RCAN2: variants seen among roughly 807,000 people sequenced by gnomAD.
RCAN2 encodes the protein regulator of calcineurin 2.
A neutral mutation model predicts 23.6 loss-of-function variants in RCAN2; 9 were observed. The ratio of observed to expected loss-of-function variants is 0.38; its 90% CI spans 0.23 to 0.67. RCAN2 has a LOEUF of 0.67. Ranked by LOEUF, RCAN2 falls within the 30% of genes least tolerant of loss-of-function variation. The probability of loss-of-function intolerance (pLI) is 0.51; values close to 1 mark genes in which losing one functional copy is unlikely to be tolerated. For synonymous variants in RCAN2, 109 were observed against 115.7 expected, an observed-to-expected ratio of 0.94 and a Z score of 0.37; for missense variants, 273 against 302.3, an observed-to-expected ratio of 0.90 and a Z score of 0.72.
rs920266633 is a variant in RCAN2, at chr6:46,220,783, G to A, written c.*2358C>T. The A allele has an allele frequency of 3.9e-5, 6 of 152,516 alleles. No homozygotes were observed. The highest frequency in any genetic ancestry group is 1.9e-4 in the East Asian group (1 of 5,200). The allele number at this position is 152,516 out of a possible 1,614,324, so 9.4% of individuals were successfully genotyped here. ...AGTCTAAGCTCTTTGAGCTATACAC[G>A]TGCACAAATGATTCAGTTGGTGGAA... On this transcript the variant is annotated 3_prime_UTR_variant, in exon 5 of 5. Coordinates refer to ENST00000371374, the MANE Select transcript of RCAN2 (RefSeq NM_001251974.2).
chr6:46,475,773 A>G (rs1362523407), intron 1 of RCAN2, among the ~76,000 whole-genome samples: 2 of 152,152 alleles, frequency 1.3e-5, no homozygotes, highest in Non-Finnish European at 2.9e-5. Flanking sequence ...AGTTATGTTT[A>G]TTCATTCAAA....
intron 2 of RCAN2, among the ~76,000 whole-genome samples, chr6:46,324,664 G>A (rs1763731962): frequency 6.6e-6 from 1 of 152,108 alleles, no homozygotes; most frequent in South Asian, 2.1e-4. Flanking sequence ...ATAATATAAA[G>A]CCAAATGGAA....
chr6:46,417,954 A>C (rs1766760527), intron 2 of RCAN2, among the ~76,000 whole-genome samples: 1 of 152,212 alleles, frequency 6.6e-6, no homozygotes, highest in South Asian at 2.1e-4. Context: ...TACTGTGATA[A>C]GAGTCACACA....
chr6:46,406,220 AGCG>A (rs1766403223), intron 2 of RCAN2, among the ~76,000 whole-genome samples: 1 of 152,230 alleles, frequency 6.6e-6, no homozygotes. Context: ...CTCACAGTGC[AGCG>A]GCGGGCCAAA....
At chr6:46,293,178 T>C (rs1762621365) in intron 2 of RCAN2, among the ~76,000 whole-genome samples, 1 of 152,218 alleles carries the variant, frequency 6.6e-6, no homozygotes, top group Non-Finnish European at 1.5e-5. Flanking sequence ...AGTGCTGCAA[T>C]AAACATACGT....
intron 2 of RCAN2, among the ~76,000 whole-genome samples, chr6:46,315,329 A>G (rs1763397445): frequency 6.6e-6 from 1 of 152,188 alleles, no homozygotes; most frequent in South Asian, 2.1e-4. Context: ...CAATGAGCCA[A>G]TACATGAACA....
chr6:46,457,220 AACAG>A (rs957396306), intron 1 of RCAN2, among the ~76,000 whole-genome samples: 2 of 152,224 alleles, frequency 1.3e-5, no homozygotes, highest in African/African-American at 4.8e-5. Flanking sequence ...TTTTAAAACA[AACAG>A]ACAAACAAAT....
chr6:46,318,296 G>C (rs113037571), intron 2 of RCAN2, among the ~76,000 whole-genome samples: 5 of 152,210 alleles, frequency 3.3e-5, no homozygotes, highest in African/African-American at 1.2e-4. Context: ...TGTTGTTTTA[G>C]GAAATGAAAG....
chr6:46,434,850 G>A (rs1039408864), intron 2 of RCAN2, among the ~76,000 whole-genome samples: 1 of 152,188 alleles, frequency 6.6e-6, no homozygotes, highest in African/African-American at 2.4e-5. Flanking sequence ...GTGGGTAGAG[G>A]CCAGGGATAC....
At chr6:46,386,086 C>G (rs1483351981) in intron 2 of RCAN2, among the ~76,000 whole-genome samples, 1 of 152,030 alleles carries the variant, frequency 6.6e-6, no homozygotes. Context: ...AGCAGGCAAC[C>G]TAGAGAACGG....
intron 2 of RCAN2, among the ~76,000 whole-genome samples, chr6:46,347,382 C>G (rs186903242): frequency 5.3e-5 from 8 of 152,266 alleles, no homozygotes; most frequent in Admixed American, 5.2e-4. Flanking sequence ...GAACCTAGAT[C>G]TTCCTCCTCC....
At chr6:46,312,311 C>G (rs548622885) in intron 2 of RCAN2, among the ~76,000 whole-genome samples, 3 of 152,270 alleles carry the variant, frequency 2.0e-5, no homozygotes, top group African/African-American at 7.2e-5. Context: ...TATGTATGTG[C>G]ATGTGTATTT....
At chr6:46,482,089 A>C (rs532616629) in intron 1 of RCAN2, among the ~76,000 whole-genome samples, 235 of 152,218 alleles carry the variant, frequency 1.5e-3, no homozygotes, top group Non-Finnish European at 2.7e-3. Context: ...TGGGGAAAAA[A>C]CTGTTATCTT....
intron 2 of RCAN2, among the ~76,000 whole-genome samples, chr6:46,387,988 C>T (rs533563645): frequency 6.6e-6 from 1 of 151,744 alleles, no homozygotes; most frequent in Admixed American, 6.6e-5. Context: ...TCATTCTCAG[C>T]AAACTATCAC....
At chr6:46,358,316 A>G (rs1035458287) in intron 2 of RCAN2, among the ~76,000 whole-genome samples, 17 of 152,142 alleles carry the variant, frequency 1.1e-4, no homozygotes, top group African/African-American at 4.1e-4. Context: ...GCTCACTATC[A>G]TGAGCACACT....
chr6:46,356,938 G>A (rs1037204966), intron 2 of RCAN2, among the ~76,000 whole-genome samples: 3 of 152,218 alleles, frequency 2.0e-5, no homozygotes, highest in Non-Finnish European at 4.4e-5. Flanking sequence ...TAAGTAGAGA[G>A]AATATTCTGG....
At chr6:46,458,587 T>G (rs1768114946) in intron 1 of RCAN2, among the ~76,000 whole-genome samples, 1 of 152,134 alleles carries the variant, frequency 6.6e-6, no homozygotes, top group Admixed American at 6.5e-5. Flanking sequence ...AACAAAATAC[T>G]TATTTTAAAT....
intron 2 of RCAN2, among the ~76,000 whole-genome samples, chr6:46,364,923 C>T (rs1246629909): frequency 2.6e-5 from 4 of 152,154 alleles, no homozygotes; most frequent in Admixed American, 6.5e-5. Context: ...ACTCACCAGC[C>T]TGTTCCCTCT....
intron 2 of RCAN2, among the ~76,000 whole-genome samples, chr6:46,417,833 T>C (rs1480412650): frequency 2.0e-5 from 3 of 152,246 alleles, no homozygotes; most frequent in African/African-American, 7.2e-5. Flanking sequence ...AGCCAGGCAC[T>C]GTGCCAGGTA....
Sources: gnomAD v4.1 joint callset for allele counts (sites outside exome capture counted in the v4.1 genomes callset) on GRCh38, gnomAD v4.1.1 for gene constraint, MANE v1.5 for transcripts, NCBI Gene and HGNC (gene_info 2026-07-23, HGNC 2026-07-21) for gene names.